The following LITAF variants were observed in gnomAD, a reference collection of about 807,000 sequenced individuals.
LITAF encodes lipopolysaccharide induced TNF factor.
Under a neutral mutation model 14.5 loss-of-function variants are expected in LITAF, and 9 were observed. That is an observed-to-expected ratio of 0.62 (90% CI 0.37 to 1.08). The LOEUF (loss-of-function observed/expected upper bound fraction) is 1.08, where lower values mean the gene tolerates loss of function less well. Ranked by LOEUF, LITAF falls within the 50% of genes least tolerant of loss-of-function variation. The probability of loss-of-function intolerance (pLI) is 0.01; values close to 1 mark genes in which losing one functional copy is unlikely to be tolerated. For synonymous variants in LITAF, 98 were observed against 88.2 expected (o/e 1.11, Z -0.62); for missense variants, 206 against 213.4 (o/e 0.97, Z 0.22).
Position 11,550,768 on chromosome 16 carries a change from T to G in LITAF, c.378-1023A>C, listed in dbSNP as rs544416126. Among the ~76,000 whole-genome samples, 49 of 152,162 alleles carry G rather than the reference T, an allele frequency of 3.2e-4. 2 individuals carry two copies. In the South Asian group the frequency reaches 0.01, roughly 32 times the overall value. ...ACCTCCGCCTCCCAAATTGCTGGGA[T>G]TACAGGTGGAAGCCACCACACACCC... On this transcript the variant is annotated intron_variant, in intron 3 of 3. Transcript: ENST00000622633.
chr16:11,560,048 G>C (rs2064336069), intron 1 of LITAF, among the ~76,000 whole-genome samples: 1 of 152,152 alleles, frequency 6.6e-6, no homozygotes, highest in African/African-American at 2.4e-5. Flanking sequence ...TATAATCCCA[G>C]TACTTTGGGA....
upstream of LITAF, among the ~76,000 whole-genome samples, chr16:11,599,131 G>A (rs1372163775): frequency 7.1e-6 from 1 of 141,516 alleles, no homozygotes; most frequent in East Asian, 2.2e-4. Context: ...TTTATGGGGG[G>A]GTGGGGGGAC....
At chr16:11,566,793 G>A (rs1403958826) in intron 1 of LITAF, among the ~76,000 whole-genome samples, 2 of 149,610 alleles carry the variant, frequency 1.3e-5, no homozygotes, top group East Asian at 3.9e-4. Flanking sequence ...TCTACCTTGG[G>A]TTAAAAAAAA....
intron 1 of LITAF, among the ~76,000 whole-genome samples, chr16:11,572,248 C>G (rs1277556892): frequency 2.0e-5 from 3 of 152,102 alleles, no homozygotes; most frequent in Admixed American, 1.3e-4. Flanking sequence ...TCCCCAGGTA[C>G]GCAGGGTCTG....
chr16:11,624,213 T>C (rs1483580529), intron 3 of LITAF, among the ~76,000 whole-genome samples: 1 of 152,184 alleles, frequency 6.6e-6, no homozygotes, highest in Non-Finnish European at 1.5e-5. Flanking sequence ...CAGGTAGGCC[T>C]TTCCCTCAGA....
chr16:11,572,267 C>G (rs1038394053), intron 1 of LITAF, among the ~76,000 whole-genome samples: 2 of 152,056 alleles, frequency 1.3e-5, no homozygotes, highest in African/African-American at 4.8e-5. Flanking sequence ...TGCACGAAGC[C>G]CTTGTGGTTC....
intron 2 of LITAF, among the ~76,000 whole-genome samples, chr16:11,635,113 C>G (rs2065133271): frequency 6.6e-6 from 1 of 152,106 alleles, no homozygotes; most frequent in African/African-American, 2.4e-5. Flanking sequence ...CCTATTCAGC[C>G]AGCTCTGTGT....
At chr16:11,635,298 G>A (rs1031577593) in intron 2 of LITAF, among the ~76,000 whole-genome samples, 11 of 152,210 alleles carry the variant, frequency 7.2e-5, no homozygotes, top group African/African-American at 2.7e-4. Flanking sequence ...ACACACGCAT[G>A]CACGCATGTA....
At chr16:11,578,255 C>T (rs1366905925) in intron 1 of LITAF, among the ~76,000 whole-genome samples, 3 of 152,212 alleles carry the variant, frequency 2.0e-5, no homozygotes, top group Admixed American at 1.3e-4. Context: ...GACTCCTTGA[C>T]TCTCTTTCAA....
intron 1 of LITAF, among the ~76,000 whole-genome samples, chr16:11,564,333 G>A (rs768277675): frequency 6.6e-6 from 1 of 152,098 alleles, no homozygotes; most frequent in South Asian, 2.1e-4. Flanking sequence ...TCCTCGGGAC[G>A]TGGAAATAAA....
intron 1 of LITAF, chr16:11,575,484 G>T (rs1597351298): frequency 6.6e-6 from 1 of 152,234 alleles, no homozygotes; most frequent in Non-Finnish European, 1.5e-5. Context: ...ATCACAAGGT[G>T]GGCACCAGCG....
intron 1 of LITAF, among the ~76,000 whole-genome samples, chr16:11,597,531 C>A (rs1015408351): frequency 2.0e-5 from 3 of 152,152 alleles, no homozygotes; most frequent in African/African-American, 7.2e-5. Context: ...GGCAGGTTGT[C>A]AAAGGTCACA....
chr16:11,571,966 G>A (rs188827599), intron 1 of LITAF, among the ~76,000 whole-genome samples: 2 of 152,092 alleles, frequency 1.3e-5, no homozygotes, highest in Non-Finnish European at 2.9e-5. Flanking sequence ...GTGCGCACCT[G>A]TAGTCCCACC....
At chr16:11,637,976 A>ATATC (rs1484274038), upstream of LITAF, among the ~76,000 whole-genome samples, 1 of 37,386 alleles carries the variant, frequency 2.7e-5, no homozygotes, top group Non-Finnish European at 4.9e-5. Flanking sequence ...CTATATATCT[A>ATATC]TATATATCTA....
Position 11,607,301 on chromosome 16 carries a change from G to A in LITAF, c.85+26232C>T, listed in dbSNP as rs560657960. ...ACTATCATGTTCCCTGCAGAGCTGT[G>A]TCGAGAACAGTGCTGTCTCCTCCAG... On this transcript the variant is annotated intron_variant, in intron 3 of 3. Transcript: ENST00000574848. 1.7e-4 allele frequency among the ~76,000 whole-genome samples: 26 copies of A among 152,348 alleles called. No homozygotes were observed. In the South Asian group the frequency reaches 3.7e-3, roughly 22 times the overall value.
chr16:11,574,852 G>A (rs183771733), intron 1 of LITAF, among the ~76,000 whole-genome samples: 76 of 147,646 alleles, frequency 5.1e-4, no homozygotes, highest in African/African-American at 1.9e-3. Flanking sequence ...GCCCAGGCTG[G>A]AATGCAGTGG....
At chr16:11,568,374 A>T (rs117666983) in intron 1 of LITAF, among the ~76,000 whole-genome samples, 2 of 151,958 alleles carry the variant, frequency 1.3e-5, no homozygotes, top group Admixed American at 6.6e-5. Context: ...AGGCTCCCCA[A>T]TGTCCCCACC....
Position 11,547,930 on chromosome 16 carries a change from T to C in LITAF, c.*1707A>G, listed in dbSNP as rs1258495470. ...TCTACCGTTACTGAACAAATAAAGG[T>C]TCTTTGTAGCAATGGCTGGAAATGC... On this transcript the variant is annotated 3_prime_UTR_variant, in exon 4 of 4. Transcript: ENST00000622633. The C allele has an allele frequency of 6.6e-6, 3 of 454,106 alleles. No individual in the cohort carries two copies. The highest frequency in any genetic ancestry group is 4.7e-5 in the Admixed American group (2 of 42,566). The allele number at this position is 454,106 out of a possible 1,614,324, so 28.1% of individuals were successfully genotyped here.
chr16:11,617,519 C>A (rs897237584), intron 3 of LITAF, among the ~76,000 whole-genome samples: 5 of 150,538 alleles, frequency 3.3e-5, no homozygotes, highest in African/African-American at 9.8e-5. Context: ...TTCTGCCTCC[C>A]GGGTTCAAGG....
Sources: gnomAD v4.1 joint callset for allele counts (sites outside exome capture counted in the v4.1 genomes callset) on GRCh38, gnomAD v4.1.1 for gene constraint, MANE v1.5 for transcripts, NCBI Gene and HGNC (gene_info 2026-07-23, HGNC 2026-07-21) for gene names.